POU6F2: variants seen among roughly 807,000 people sequenced by gnomAD.
The protein encoded by POU6F2 is POU class 6 homeobox 2.
POU6F2 carries 31 observed loss-of-function variants against 71.3 expected under a neutral mutation model. The ratio of observed to expected loss-of-function variants is 0.43; its 90% confidence interval spans 0.33 to 0.59. The LOEUF (loss-of-function observed/expected upper bound fraction) is 0.59, where lower values mean the gene tolerates loss of function less well. Ranked by LOEUF, POU6F2 falls within the 20% of genes least tolerant of loss-of-function variation. The probability of loss-of-function intolerance (pLI) is 0.04; values close to 1 mark genes in which losing one functional copy is unlikely to be tolerated. For missense variants in POU6F2, 783 were observed against 856.8 expected (o/e 0.91, Z 1.07); for synonymous variants, 347 against 355.7 (o/e 0.98, Z 0.27).
At chr7:39,370,307 A>G (rs964665614) in intron 5 of POU6F2, among the ~76,000 whole-genome samples, 2 of 152,218 alleles carry the variant, frequency 1.3e-5, no homozygotes, top group Non-Finnish European at 2.9e-5. Flanking sequence ...AGAAGGCAAG[A>G]CTAACGTGCA....
chr7:39,282,475 G>T (rs542952465), intron 4 of POU6F2, among the ~76,000 whole-genome samples: 1 of 152,182 alleles, frequency 6.6e-6, no homozygotes, highest in African/African-American at 2.4e-5. Flanking sequence ...TGAGAGATGG[G>T]GGTCTAGTTT....
intron 4 of POU6F2, among the ~76,000 whole-genome samples, chr7:39,262,548 C>T (rs983305337): frequency 2.6e-5 from 4 of 152,108 alleles, no homozygotes; most frequent in Non-Finnish European, 5.9e-5. Context: ...CAATTTTGTG[C>T]TCCTTCTTTT....
chr7:39,457,159 G>C (rs910190718), intron 8 of POU6F2, among the ~76,000 whole-genome samples: 22 of 152,214 alleles, frequency 1.4e-4, no homozygotes, highest in African/African-American at 5.3e-4. Context: ...GACGGCAGAG[G>C]AAGGGAAGAA....
intron 1 of POU6F2, among the ~76,000 whole-genome samples, chr7:39,060,041 C>T (rs1007491355): frequency 1.2e-4 from 18 of 152,082 alleles, no homozygotes; most frequent in Non-Finnish European, 4.4e-5. Context: ...AACCCCGTCT[C>T]TACTAAAAAT....
At chr7:38,992,357 T>C (rs1788627814) in intron 1 of POU6F2, among the ~76,000 whole-genome samples, 1 of 152,222 alleles carries the variant, frequency 6.6e-6, no homozygotes, top group South Asian at 2.1e-4. Context: ...ATATGATGTC[T>C]AAAAGGAAAG....
At chr7:39,263,709 T>A (rs1427589875) in intron 4 of POU6F2, among the ~76,000 whole-genome samples, 1 of 152,198 alleles carries the variant, frequency 6.6e-6, no homozygotes, top group African/African-American at 2.4e-5. Flanking sequence ...CCCCACTTCA[T>A]CTTTCTAATT....
intron 4 of POU6F2, among the ~76,000 whole-genome samples, chr7:39,309,226 T>C (rs1785109391): frequency 6.6e-6 from 1 of 152,188 alleles, no homozygotes; most frequent in South Asian, 2.1e-4. Context: ...GTCCAAGGAA[T>C]TTTCTTTAAG....
At chr7:39,008,447 G>A (rs920167417) in intron 1 of POU6F2, among the ~76,000 whole-genome samples, 5 of 151,028 alleles carry the variant, frequency 3.3e-5, no homozygotes, top group South Asian at 2.1e-4. Context: ...AGTAGGTTGC[G>A]AAAATTTTCT....
chr7:39,016,807 A>G (rs1417293877), intron 1 of POU6F2, among the ~76,000 whole-genome samples: 1 of 152,202 alleles, frequency 6.6e-6, no homozygotes, highest in African/African-American at 2.4e-5. Context: ...CAGCGCATGC[A>G]TAGTCCCTGC....
Position 39,232,040 on chromosome 7 carries a change from T to A in POU6F2, c.598+24420T>A, listed in dbSNP as rs142104280. Among the ~76,000 whole-genome samples the A allele has an allele frequency of 3.9e-3, 600 of 152,310 alleles. 6 individuals are homozygous for A. Among genetic ancestry groups the A allele is most frequent in the South Asian group, 0.022 (106 of 4,828 alleles). On this transcript the variant is annotated intron_variant, in intron 4 of 9. Transcript: ENST00000518318. ...TTTTCAAGAAACAGTTGTAAAAAGA[T>A]GTCTATAATTTTCCCTGCATTTCTT...
At chr7:39,214,042 A>C (rs1257126723) in intron 4 of POU6F2, among the ~76,000 whole-genome samples, 3 of 152,194 alleles carry the variant, frequency 2.0e-5, no homozygotes, top group Admixed American at 6.5e-5. Context: ...AGGGATGTGT[A>C]GCTCCTTTGA....
chr7:39,416,747 G>C (rs2115940991), intron 6 of POU6F2, among the ~76,000 whole-genome samples: 1 of 150,644 alleles, frequency 6.6e-6, no homozygotes, highest in South Asian at 2.1e-4. Flanking sequence ...GAGGAGGAAA[G>C]AAAATACCAC....
intron 1 of POU6F2, among the ~76,000 whole-genome samples, chr7:39,046,858 T>A (rs1165999756): frequency 1.3e-5 from 2 of 151,916 alleles, no homozygotes; most frequent in Non-Finnish European, 2.9e-5. Context: ...TATGGTCTAT[T>A]TTGAGTTTAT....
In POU6F2 at chr7:39,433,266, A is replaced by T; in HGVS notation, c.1303A>T (p.Ile435Phe). The T allele has an allele frequency of 1.2e-6, 2 of 1,613,968 alleles. No individual in the cohort carries two copies. The highest frequency in any genetic ancestry group is 1.7e-6 in the Non-Finnish European group (2 of 1,179,882). The change falls in exon 7 of 10, where the codon ATC (isoleucine) becomes TTC (phenylalanine). Residue 435 changes from isoleucine to phenylalanine, a missense_variant. By Grantham distance (21) the Ile-to-Phe change is conservative. Coordinates refer to ENST00000518318, the MANE Select transcript of POU6F2 (RefSeq NM_001370959.1). ...CACCCAGGGCATCACGCTGTCACCC[A>T]TCAAGCCCGGCCAGCAGGTAAATGT... is the stretch of plus-strand genomic sequence containing the variant. ...INTQGITLSPIKPGQQLHQPS... is the reference protein window; with the variant it reads ...INTQGITLSPFKPGQQLHQPS...
intron 4 of POU6F2, among the ~76,000 whole-genome samples, chr7:39,294,756 G>A (rs1215181994): frequency 1.3e-5 from 2 of 152,058 alleles, no homozygotes; most frequent in Non-Finnish European, 2.9e-5. Context: ...CTCCCAGCAG[G>A]GGTGGCTAAT....
intron 1 of POU6F2, chr7:39,013,531 TG>T (rs1789387137): frequency 6.5e-6 from 1 of 153,890 alleles, no homozygotes; most frequent in African/African-American, 2.4e-5. Flanking sequence ...GCTGTTCCTA[TG>T]CGGCCATCTT....
At chr7:39,119,793 A>AT (rs1292245208) in intron 2 of POU6F2, among the ~76,000 whole-genome samples, 2 of 152,224 alleles carry the variant, frequency 1.3e-5, no homozygotes, top group African/African-American at 4.8e-5. Context: ...CCCAAAATAA[A>AT]TTAATAGTTG....
At chr7:39,175,793 C>T (rs140961947) in intron 2 of POU6F2, among the ~76,000 whole-genome samples, 56 of 152,200 alleles carry the variant, frequency 3.7e-4, no homozygotes, top group African/African-American at 1.1e-3. Context: ...TGATTTATCT[C>T]GCAGACTAGC....
intron 6 of POU6F2, among the ~76,000 whole-genome samples, chr7:39,411,069 T>A (rs1445804082): frequency 6.6e-6 from 1 of 152,216 alleles, no homozygotes; most frequent in Non-Finnish European, 1.5e-5. Flanking sequence ...ATGGTATGTG[T>A]TTTCAGTTCA....
Sources: gnomAD v4.1 joint callset for allele counts (sites outside exome capture counted in the v4.1 genomes callset) on GRCh38, gnomAD v4.1.1 for gene constraint, MANE v1.5 for transcripts, NCBI Gene and HGNC (gene_info 2026-07-23, HGNC 2026-07-21) for gene names.